NLRP5: variants seen among roughly 807,000 people sequenced by gnomAD.
NLRP5 encodes the protein NLR family pyrin domain containing 5.
A neutral mutation model predicts 113.1 loss-of-function variants in NLRP5; 93 were observed. The ratio of observed to expected loss-of-function variants is 0.82; its 90% CI spans 0.70 to 0.98. The LOEUF is 0.98. NLRP5 is among the 50% of genes least tolerant of loss of function. NLRP5 has a pLI of 0.00. For synonymous variants in NLRP5, 751 were observed against 600.7 expected (o/e 1.25, Z -3.66); for missense variants, 1,808 against 1,514.3 (o/e 1.19, Z -3.22).
At chr19:56,014,818 C>G (rs1269569949) in intron 3 of NLRP5, among the ~76,000 whole-genome samples, 1 of 152,136 alleles carries the variant, frequency 6.6e-6, no homozygotes, top group Non-Finnish European at 1.5e-5. Context: ...ACTACTATTG[C>G]TTTATAGTTT....
In NLRP5 at chr19:56,032,713, G is replaced by A; in HGVS notation, c.2379G>A (p.Leu793=). 6.2e-7 allele frequency: 1 copy of A among 1,613,518 alleles called. No individual in the cohort carries two copies. The highest frequency in any genetic ancestry group is 8.5e-7 in the Non-Finnish European group (1 of 1,179,820). ...AGCTGGACCTGGGCAGCAGCATCCT[G>A]ACAGAGCGGGCCATGAAGACCCTGT... The change falls in exon 8 of 15, where the codon CTG becomes CTA. Residue 793 remains leucine (L), a synonymous_variant. Coordinates refer to ENST00000390649, the MANE Select transcript of NLRP5 (RefSeq NM_153447.4).
chr19:56,007,110 C>T (rs1981951538), intron 2 of NLRP5, among the ~76,000 whole-genome samples: 1 of 151,424 alleles, frequency 6.6e-6, no homozygotes, highest in Admixed American at 6.6e-5. Context: ...CGCCTGTAAT[C>T]CCAATACTTT....
the NLRP5 span, among the ~76,000 whole-genome samples, chr19:55,986,864 G>A: frequency 2.0e-5 from 3 of 152,248 alleles, no homozygotes; most frequent in Non-Finnish European, 4.4e-5. Context: ...TCCCGCTTTT[G>A]TTCTCCACTG....
chr19:56,007,820 C>T lies in NLRP5; in HGVS notation c.443-968C>T, dbSNP rs1208899605. ...AAGGTGGCTTGGAATAGGATGATGG[C>T]ACAGAAAGAAGTAGAAATGGAAGAT... On this transcript the variant is annotated intron_variant, in intron 2 of 14. Coordinates refer to ENST00000390649, the MANE Select transcript of NLRP5 (RefSeq NM_153447.4). Among the ~76,000 whole-genome samples the T allele has an allele frequency of 2.7e-5, 4 of 150,466 alleles. 1 individual carries two copies. The highest frequency in any genetic ancestry group is 9.9e-5 in the African/African-American group (4 of 40,466).
chr19:56,002,812 T>C (rs556002186), intron 1 of NLRP5, among the ~76,000 whole-genome samples: 101 of 152,198 alleles, frequency 6.6e-4, no homozygotes, highest in African/African-American at 2.1e-3. Flanking sequence ...TTTTTATGGC[T>C]GCATAGTATT....
At position 56,019,234 on chromosome 19, in the gene NLRP5, A is replaced by T. The variant is rs565263215; in HGVS notation, c.566-108A>T. On this transcript the variant is annotated intron_variant, in intron 4 of 14. Coordinates refer to ENST00000390649, the MANE Select transcript of NLRP5 (RefSeq NM_153447.4). ...TGAGACAGTGGTTGCCATGTTTTCA[A>T]CTGGCCAGAAAATAAATATGGCATG... 47 of 1,252,904 alleles carry T rather than the reference A, an allele frequency of 3.8e-5. No individual in the cohort carries two copies. In the African/African-American group the frequency reaches 5.2e-4, roughly 14 times the overall value. The allele number at this position is 1,252,904 out of a possible 1,614,324, so 77.6% of individuals were successfully genotyped here.
chr19:55,988,442 G>GTATATATATATATATATATATATATATA, the NLRP5 span: 1 of 103,748 alleles, frequency 9.6e-6, no homozygotes, highest in Non-Finnish European at 1.9e-5. Context: ...ATATGTGTGT[G>GTATATATATATATATATATATATATATA]TGTATATATA....
At chr19:55,999,408 G>T (rs966382261), upstream of NLRP5, among the ~76,000 whole-genome samples, 2 of 151,778 alleles carry the variant, frequency 1.3e-5, no homozygotes, top group African/African-American at 2.4e-5. Flanking sequence ...TAGAAATGGG[G>T]TTTCACCATG....
intron 7 of NLRP5, among the ~76,000 whole-genome samples, chr19:56,031,679 C>T (rs187979314): frequency 3.3e-5 from 5 of 151,710 alleles, no homozygotes; most frequent in African/African-American, 1.2e-4. Context: ...CAGTATTTGT[C>T]CTTTTGTGAC....
intron 6 of NLRP5, among the ~76,000 whole-genome samples, chr19:56,022,183 C>A (rs572555236): frequency 1.3e-5 from 2 of 152,286 alleles, no homozygotes; most frequent in Middle Eastern, 3.4e-3. Flanking sequence ...ATTGTCAAGA[C>A]ACCTTCACGC....
intron 14 of NLRP5, 107 bp downstream of exon 14, chr19:56,058,517 G>A: frequency 2.0e-6 from 2 of 997,044 alleles, no homozygotes; most frequent in Non-Finnish European, 2.9e-6. Flanking sequence ...TACCTTGGGA[G>A]CCACATTTTA....
intron 13 of NLRP5, among the ~76,000 whole-genome samples, chr19:56,054,233 A>G (rs867331515): frequency 1.6e-4 from 25 of 152,178 alleles, no homozygotes; most frequent in African/African-American, 6.0e-4. Flanking sequence ...ACAGAGCTCC[A>G]ATATAGTGGA....
upstream of NLRP5, chr19:55,999,599 C>T (rs62123572): frequency 0.33 from 245,950 of 735,398 alleles, 43,508 homozygotes; most frequent in East Asian, 0.42. Context: ...CCAGCCCTTC[C>T]GACCGGCTCA....
At chr19:56,004,124 C>A (rs765674306) in intron 2 of NLRP5, 29 bp downstream of exon 2, 4 of 1,565,734 alleles carry the variant, frequency 2.6e-6, no homozygotes, top group Non-Finnish European at 2.6e-6. Context: ...AAGTCTAGGG[C>A]AGGGAGGGGA....
upstream of NLRP5, among the ~76,000 whole-genome samples, chr19:55,996,009 T>C (rs1012350792): frequency 2.7e-5 from 4 of 147,852 alleles, no homozygotes; most frequent in Admixed American, 2.7e-4. Context: ...TCTGCAACTT[T>C]ACTGAATTCC....
intron 6 of NLRP5, 142 bp from the exon 7 acceptor site, chr19:56,026,771 C>A: frequency 1.3e-6 from 1 of 783,074 alleles, no homozygotes; most frequent in Non-Finnish European, 2.0e-6. Flanking sequence ...AGAGACGGGG[C>A]TTTGCCATTG....
At chr19:56,038,985 A>C (rs1277537369) in intron 10 of NLRP5, among the ~76,000 whole-genome samples, 2 of 152,132 alleles carry the variant, frequency 1.3e-5, no homozygotes, top group African/African-American at 4.8e-5. Flanking sequence ...CCACTTGCTT[A>C]CTGATAACTG....
Position 56,028,238 on chromosome 19 carries a change from G to A in NLRP5, c.2005G>A (p.Val669Ile). ...GGTGAAGCAGAAGCTTCTGCACTGGGTCTCTCTGTTGGGTCAGCAGCCTAA... is the reference window on the plus strand; with the variant it reads ...GGTGAAGCAGAAGCTTCTGCACTGGATCTCTCTGTTGGGTCAGCAGCCTAA... Residue 669 changes from valine to isoleucine, a missense_variant, in exon 7 of 15, where the codon GTC becomes ATC. Coordinates refer to ENST00000390649, the MANE Select transcript of NLRP5 (RefSeq NM_153447.4). 1 of 1,613,858 alleles carries A rather than the reference G, an allele frequency of 6.2e-7. No individual in the cohort carries two copies. The highest frequency in any genetic ancestry group is 8.5e-7 in the Non-Finnish European group (1 of 1,179,894).
chr19:56,028,753 C>T (rs1053508091), intron 7 of NLRP5, among the ~76,000 whole-genome samples: 1 of 152,052 alleles, frequency 6.6e-6, no homozygotes, highest in African/African-American at 2.4e-5. Flanking sequence ...GGGGTTGAAA[C>T]CCAGGAATAT....
Sources: allele counts gnomAD v4.1 joint callset (sites outside exome capture counted in the v4.1 genomes callset), GRCh38; gene constraint gnomAD v4.1.1; transcripts MANE v1.5; gene names NCBI Gene and HGNC (gene_info 2026-07-23, HGNC 2026-07-21).